Variants in KLF8 observed in about 807,000 individuals in gnomAD.
KLF8 encodes Krueppel-like factor 8.
KLF8 carries 10 observed loss-of-function variants against 18.2 expected under a neutral mutation model. That is an observed-to-expected ratio of 0.55 (90% CI 0.34 to 0.93). The LOEUF is 0.93. KLF8 is among the 40% of genes least tolerant of loss of function. The pLI, the probability that KLF8 is intolerant of heterozygous loss-of-function variation, is 0.02. For missense variants in KLF8, 264 were observed against 277.9 expected (o/e 0.95, Z 0.36); for synonymous variants, 109 against 97.3 (o/e 1.12, Z -0.71).
chrX:56,083,118 T>G, the KLF8 span, among the ~76,000 whole-genome samples: 1 of 112,176 alleles, frequency 8.9e-6, no homozygotes, highest in South Asian at 3.7e-4. Flanking sequence ...GTAATTTTTC[T>G]GCCCCTTTCA....
chrX:55,910,449 G>T, the KLF8 span, among the ~76,000 whole-genome samples: 5 of 111,460 alleles, frequency 4.5e-5, no homozygotes, highest in Non-Finnish European at 7.5e-5. Context: ...TCTGAATGAA[G>T]TGAGGGAGCC....
At chrX:56,239,433 A>T (rs1385931788) in intron 1 of KLF8, among the ~76,000 whole-genome samples, 1 of 112,291 alleles carries the variant, frequency 8.9e-6, no homozygotes, top group African/African-American at 3.2e-5. Context: ...TTCTGTTTTA[A>T]TCTTTAACAT....
the KLF8 span, among the ~76,000 whole-genome samples, chrX:56,029,677 TGCA>T: frequency 1.8e-5 from 2 of 112,315 alleles, no homozygotes; most frequent in African/African-American, 6.5e-5. Flanking sequence ...CTTTTTGCTC[TGCA>T]TCACCTTGCT....
chrX:56,100,544 A>G, the KLF8 span, among the ~76,000 whole-genome samples: 8,636 of 111,829 alleles, frequency 0.077, 811 homozygotes, highest in African/African-American at 0.27. Context: ...CCTTCTGGAA[A>G]GGATTTGAAG....
chrX:56,049,253 T>C, the KLF8 span, among the ~76,000 whole-genome samples: 1 of 111,391 alleles, frequency 9.0e-6, no homozygotes, highest in African/African-American at 3.3e-5. Context: ...CTGAATGCCC[T>C]TTATTGCCTT....
chrX:56,056,831 TAAAAAAAAAAAA>T, the KLF8 span, among the ~76,000 whole-genome samples: 1 of 62,731 alleles, frequency 1.6e-5, no homozygotes, highest in Non-Finnish European at 3.1e-5. Flanking sequence ...ATTGCAGGTG[TAAAAAAAAAAAA>T]AAAAAAAAAA....
chrX:56,189,617 A>G, the KLF8 span, among the ~76,000 whole-genome samples: 5 of 111,165 alleles, frequency 4.5e-5, no homozygotes, highest in African/African-American at 1.6e-4. Context: ...CTTGGAACCA[A>G]GCCAAATGTC....
chrX:56,006,364 T>G, the KLF8 span, among the ~76,000 whole-genome samples: 1 of 112,010 alleles, frequency 8.9e-6, no homozygotes, highest in African/African-American at 3.3e-5. Context: ...CAAGTCCCAG[T>G]GCATGGTAGC....
chrX:55,931,028 G>T, the KLF8 span, among the ~76,000 whole-genome samples: 1 of 111,822 alleles, frequency 8.9e-6, no homozygotes, highest in East Asian at 2.8e-4. Context: ...TTTTGTTTTG[G>T]TTGGTAGGCT....
At chrX:56,021,207 A>G in the KLF8 span, among the ~76,000 whole-genome samples, 1 of 112,039 alleles carries the variant, frequency 8.9e-6, no homozygotes, top group Admixed American at 9.4e-5. Context: ...TATGATATCT[A>G]TTTATTTGTA....
At chrX:55,937,323 A>G in the KLF8 span, among the ~76,000 whole-genome samples, 13 of 112,308 alleles carry the variant, frequency 1.2e-4, no homozygotes, top group Non-Finnish European at 2.3e-4. Flanking sequence ...CCTGACTGTT[A>G]GAAGGAAAAC....
At chrX:56,189,359 A>C in the KLF8 span, among the ~76,000 whole-genome samples, 2 of 111,723 alleles carry the variant, frequency 1.8e-5, no homozygotes, top group Non-Finnish European at 3.8e-5. Flanking sequence ...ATCATTAAAA[A>C]TCAGGAAACA....
the KLF8 span, among the ~76,000 whole-genome samples, chrX:55,975,837 C>T: frequency 4.5e-5 from 5 of 111,774 alleles, no homozygotes; most frequent in South Asian, 3.8e-4. Flanking sequence ...TGGCCAGGCG[C>T]GGTGGCTTAC....
the KLF8 span, among the ~76,000 whole-genome samples, chrX:56,157,510 T>C: frequency 1.8e-5 from 2 of 111,626 alleles, no homozygotes; most frequent in Admixed American, 9.5e-5. Context: ...CCACCAACAA[T>C]GTAAAAGTGT....
rs997180708 is a variant in KLF8 at position 56,290,799 on chromosome X, G to T, written c.*6305G>T. 9.0e-6 allele frequency among the ~76,000 whole-genome samples: 1 copy of T among 111,501 alleles called. No homozygotes were observed. The highest frequency in any genetic ancestry group is 1.9e-5 in the Non-Finnish European group (1 of 53,067). The stretch of plus-strand genomic sequence containing the variant: ...GGGTGGGAGTGGGTTGGAAGAGGAT[G>T]GGATTTATACCAGTGGCAGGATATT... On this transcript the variant is annotated 3_prime_UTR_variant, in exon 6 of 6. Coordinates refer to ENST00000468660, the MANE Select transcript of KLF8 (RefSeq NM_007250.5).
Position 56,265,290 on chromosome X carries a change from T to C in KLF8, c.192T>C (p.Asn64=). The C allele has an allele frequency of 8.3e-7, 1 of 1,208,561 alleles. No individual in the cohort carries two copies. Among genetic ancestry groups the C allele is most frequent in the East Asian group, 3.0e-5 (1 of 33,757 alleles). Residue 64 remains asparagine (N), a synonymous_variant, in exon 3 of 6, where the codon AAT becomes AAC. Coordinates refer to ENST00000468660, the MANE Select transcript of KLF8 (RefSeq NM_007250.5). ...CCATGGAGAACCCAGCACTGTTTAATGACATCAAGATTGAGCCCCCAGAAG... is the reference window on the plus strand; with the variant it reads ...CCATGGAGAACCCAGCACTGTTTAACGACATCAAGATTGAGCCCCCAGAAG... The part of the protein sequence containing the change: ...ANPMENPALF[N]DIKIEPPEEL...
the KLF8 span, among the ~76,000 whole-genome samples, chrX:56,223,912 A>C: frequency 9.0e-6 from 1 of 111,034 alleles, no homozygotes. Flanking sequence ...TTTTTATCTT[A>C]CACCTGTTTG....
the KLF8 span, among the ~76,000 whole-genome samples, chrX:56,062,645 T>A: frequency 9.0e-6 from 1 of 111,265 alleles, no homozygotes; most frequent in Non-Finnish European, 1.9e-5. Context: ...CCTTGGTGAA[T>A]CTGATGATTC....
the KLF8 span, among the ~76,000 whole-genome samples, chrX:56,134,441 C>T: frequency 9.0e-6 from 1 of 111,641 alleles, no homozygotes; most frequent in South Asian, 3.7e-4. Flanking sequence ...ACAAATGGTG[C>T]TGAGATAATT....
Sources: gnomAD v4.1 joint callset for allele counts (sites outside exome capture counted in the v4.1 genomes callset) on GRCh38, gnomAD v4.1.1 for gene constraint, MANE v1.5 for transcripts, NCBI Gene and HGNC (gene_info 2026-07-23, HGNC 2026-07-21) for gene names.